SGCD: variants seen among roughly 807,000 people sequenced by gnomAD.
SGCD encodes the protein delta-sarcoglycan.
SGCD carries 18 observed loss-of-function variants against 36.6 expected under a neutral mutation model. The observed-to-expected ratio is 0.49, with a 90% confidence interval of 0.34 to 0.73. SGCD has a LOEUF of 0.73. Among genes scored for constraint, SGCD ranks in the 30% least tolerant of loss-of-function variants. The pLI, the probability that SGCD is intolerant of heterozygous loss-of-function variation, is 0.01. For missense variants in SGCD, 387 were observed against 346.7 expected (o/e 1.12, Z -0.92); for synonymous variants, 133 against 130.6 (o/e 1.02, Z -0.12).
chr5:156,625,046 CCTT>C (rs2113512498), intron 6 of SGCD, among the ~76,000 whole-genome samples: 1 of 152,276 alleles, frequency 6.6e-6, no homozygotes, highest in South Asian at 2.1e-4. Context: ...CAATAAATCA[CCTT>C]CTTAGAGATT....
chr5:156,476,479 C>G (rs1755185345), intron 3 of SGCD, among the ~76,000 whole-genome samples: 2 of 152,156 alleles, frequency 1.3e-5, no homozygotes, highest in African/African-American at 4.8e-5. Context: ...AGACCAAATT[C>G]TAGTACAGTC....
At chr5:156,736,918 A>T (rs1472941939) in intron 7 of SGCD, among the ~76,000 whole-genome samples, 77 of 152,280 alleles carry the variant, frequency 5.1e-4, no homozygotes, top group Non-Finnish European at 5.9e-5. Flanking sequence ...AACGACCTCC[A>T]TATCGCTTTT....
At chr5:156,107,548 T>G (rs1761677531) in intron 1 of SGCD, among the ~76,000 whole-genome samples, 1 of 152,180 alleles carries the variant, frequency 6.6e-6, no homozygotes, top group South Asian at 2.1e-4. Flanking sequence ...TTTAGTCATA[T>G]TAACTTAAAT....
intron 1 of SGCD, among the ~76,000 whole-genome samples, chr5:155,912,393 A>G (rs1397205615): frequency 1.3e-5 from 2 of 152,176 alleles, no homozygotes; most frequent in African/African-American, 4.8e-5. Context: ...TTACACACCA[A>G]CAGAGAAAAT....
chr5:155,931,310 A>G (rs1479861288), intron 1 of SGCD, among the ~76,000 whole-genome samples: 1 of 152,202 alleles, frequency 6.6e-6, no homozygotes, highest in Non-Finnish European at 1.5e-5. Flanking sequence ...TGAAAGAAGT[A>G]GCAACCATTG....
chr5:156,670,990 C>T (rs1413270248), intron 7 of SGCD, among the ~76,000 whole-genome samples: 2 of 152,102 alleles, frequency 1.3e-5, no homozygotes, highest in Admixed American at 6.5e-5. Flanking sequence ...TCTGCCCTTT[C>T]CCTATTTTCC....
chr5:156,415,689 G>A (rs1432821937), intron 3 of SGCD, among the ~76,000 whole-genome samples: 1 of 152,168 alleles, frequency 6.6e-6, no homozygotes, highest in Admixed American at 6.5e-5. Flanking sequence ...AAGGAAGCAG[G>A]AAGTAAACTC....
At chr5:156,307,802 G>T (rs1377170298) in intron 3 of SGCD, among the ~76,000 whole-genome samples, 6 of 151,376 alleles carry the variant, frequency 4.0e-5, no homozygotes, top group Non-Finnish European at 7.4e-5. Flanking sequence ...TAACAGTTCT[G>T]CCCCCACTCT....
intron 1 of SGCD, among the ~76,000 whole-genome samples, chr5:155,871,111 C>G (rs529307731): frequency 2.6e-5 from 4 of 151,920 alleles, no homozygotes; most frequent in Non-Finnish European, 4.4e-5. Context: ...AGAGAGAGGA[C>G]CCAACAGAGG....
intron 3 of SGCD, among the ~76,000 whole-genome samples, chr5:156,423,340 ATATAT>A (rs1200017721): frequency 6.2e-3 from 79 of 12,842 alleles, no homozygotes; most frequent in South Asian, 0.019. Flanking sequence ...TTATAATATA[ATATAT>A]TATAATTTTA....
intron 3 of SGCD, among the ~76,000 whole-genome samples, chr5:156,189,710 A>C (rs563438562): frequency 6.6e-6 from 1 of 152,216 alleles, no homozygotes; most frequent in Non-Finnish European, 1.5e-5. Context: ...GACGTAAAGC[A>C]TTGAACTTTC....
At chr5:155,890,049 A>G (rs1243100485) in intron 1 of SGCD, among the ~76,000 whole-genome samples, 1 of 152,210 alleles carries the variant, frequency 6.6e-6, no homozygotes, top group Non-Finnish European at 1.5e-5. Context: ...CTAAGACTCC[A>G]GGTCCAGATT....
At chr5:156,332,823 A>G (rs1461895591) in intron 2 of SGCD, among the ~76,000 whole-genome samples, 1 of 152,218 alleles carries the variant, frequency 6.6e-6, no homozygotes, top group Non-Finnish European at 1.5e-5. Context: ...GAGGAGTAAT[A>G]AGAGAATTTT....
At position 156,491,654 on chromosome 5, in the gene SGCD, A is replaced by G. The variant is rs556023306; in HGVS notation, c.193-16947A>G. Reference sequence around the variant, plus strand: ...AAATAAAGATAAAGGTAAATCTTTTAAGACTCTTCTAGAAGCATGTAGACT... The same window carrying G: ...AAATAAAGATAAAGGTAAATCTTTTGAGACTCTTCTAGAAGCATGTAGACT... On this transcript the variant is annotated intron_variant, in intron 3 of 8. Coordinates refer to ENST00000337851, the MANE Select transcript of SGCD (RefSeq NM_000337.6). Among the ~76,000 whole-genome samples, 150 of 152,188 alleles carry G rather than the reference A, an allele frequency of 9.9e-4. 1 individual carries two copies. Among genetic ancestry groups the G allele is most frequent in the African/African-American group, 3.5e-3 (145 of 41,452 alleles).
At chr5:156,554,017 A>G (rs541857546) in intron 4 of SGCD, among the ~76,000 whole-genome samples, 53 of 152,262 alleles carry the variant, frequency 3.5e-4, no homozygotes, top group African/African-American at 1.3e-3. Context: ...AATTTCAGTT[A>G]CTCATGGTCA....
intron 6 of SGCD, among the ~76,000 whole-genome samples, chr5:156,610,945 C>T (rs1761772816): frequency 6.6e-6 from 1 of 152,250 alleles, no homozygotes; most frequent in East Asian, 1.9e-4. Flanking sequence ...CCTGTCACCC[C>T]TTTCTTTGAC....
chr5:156,000,801 T>C (rs566150026), intron 1 of SGCD, among the ~76,000 whole-genome samples: 139 of 150,490 alleles, frequency 9.2e-4, no homozygotes, highest in Admixed American at 4.1e-3. Context: ...TCCTCACACA[T>C]ATATATATAT....
At position 156,138,248 on chromosome 5, in the gene SGCD, A is replaced by G. The variant is rs535379596; in HGVS notation, c.-44+14229A>G. Among the ~76,000 whole-genome samples the G allele has an allele frequency of 1.8e-3, 277 of 152,270 alleles. 6 individuals are homozygous for G. Among genetic ancestry groups the G allele is most frequent in the East Asian group, 7.7e-4 (4 of 5,188 alleles). ...AACCCCATCTCTACTAAAAATAGAA[A>G]AAATTAGCCAAGTGTGATGGTGCAT... On this transcript the variant is annotated intron_variant, in intron 3 of 9. Transcript: ENST00000517913.
At chr5:156,646,935 A>T (rs939196053) in intron 6 of SGCD, among the ~76,000 whole-genome samples, 1 of 152,196 alleles carries the variant, frequency 6.6e-6, no homozygotes, top group African/African-American at 2.4e-5. Flanking sequence ...ATGATCTCTT[A>T]TAGTGTTCTA....
Sources: allele counts gnomAD v4.1 joint callset (sites outside exome capture counted in the v4.1 genomes callset), GRCh38; gene constraint gnomAD v4.1.1; transcripts MANE v1.5; gene names NCBI Gene and HGNC (gene_info 2026-07-23, HGNC 2026-07-21).